PCDH11Y: variants seen among roughly 807,000 people sequenced by gnomAD.
PCDH11Y encodes protocadherin 11 Y-linked, also known as protocadherin-11 Y-linked.
For synonymous variants in PCDH11Y, 9 were observed against 83.6 expected, an observed-to-expected ratio of 0.11 and a Z score of 4.87; for missense variants, 12 against 224.8, an observed-to-expected ratio of 0.05 and a Z score of 6.05.
chrY:5,712,679 G>A (rs1157848008), intron 4 of PCDH11Y, among the ~76,000 whole-genome samples: 594 of 33,412 alleles, frequency 0.018, no homozygotes, highest in Admixed American at 0.08. Flanking sequence ...CAAATTTGAA[G>A]CAAGTTGCAA....
intron 2 of PCDH11Y, among the ~76,000 whole-genome samples, chrY:5,457,761 T>A: frequency 8.9e-5 from 3 of 33,586 alleles, no homozygotes; most frequent in Non-Finnish European, 2.2e-4. Context: ...TTTACCAAAC[T>A]AGTTTTGAAT....
intron 1 of PCDH11Y, among the ~76,000 whole-genome samples, chrY:5,059,922 C>T: frequency 6.1e-5 from 2 of 32,855 alleles, no homozygotes; most frequent in Non-Finnish European, 1.5e-4. Flanking sequence ...ATGACATGGG[C>T]GACTTTAACT....
intron 2 of PCDH11Y, among the ~76,000 whole-genome samples, chrY:5,151,472 A>G: frequency 3.0e-5 from 1 of 33,346 alleles, no homozygotes; most frequent in Admixed American, 2.8e-4. Flanking sequence ...GTTTAAAGGT[A>G]GATTTAGTCT....
At chrY:5,441,207 C>T (rs2124681783) in intron 2 of PCDH11Y, among the ~76,000 whole-genome samples, 1 of 32,440 alleles carries the variant, frequency 3.1e-5, no homozygotes, top group Admixed American at 2.8e-4. Context: ...CTCACTATAG[C>T]GTAAAAATAA....
intron 2 of PCDH11Y, among the ~76,000 whole-genome samples, chrY:5,494,538 G>GACAC (rs750654504): frequency 1.8e-4 from 5 of 27,781 alleles, no homozygotes; most frequent in South Asian, 1.6e-3. Context: ...CACACACACA[G>GACAC]ACACACACAC....
At chrY:5,600,342 T>C (rs2124699451) in intron 4 of PCDH11Y, among the ~76,000 whole-genome samples, 10 of 29,451 alleles carry the variant, frequency 3.4e-4, no homozygotes, top group African/African-American at 1.3e-3. Context: ...GGTTTCACCA[T>C]GTTGGCCAGG....
At chrY:5,378,170 T>A in intron 2 of PCDH11Y, among the ~76,000 whole-genome samples, 2 of 31,980 alleles carry the variant, frequency 6.3e-5, no homozygotes, top group Non-Finnish European at 1.5e-4. Context: ...GATGCATCTG[T>A]ATAGTTCCTT....
chrY:5,248,683 C>G, intron 2 of PCDH11Y, among the ~76,000 whole-genome samples: 1 of 31,633 alleles, frequency 3.2e-5, no homozygotes, highest in Non-Finnish European at 7.6e-5. Context: ...AGGATGCCCT[C>G]TCTCACCACT....
At chrY:5,236,304 C>T in intron 2 of PCDH11Y, among the ~76,000 whole-genome samples, 1 of 32,229 alleles carries the variant, frequency 3.1e-5, no homozygotes, top group South Asian at 7.0e-4. Context: ...ATAAAAACAG[C>T]AAGAACATTG....
chrY:5,168,542 CATATAT>C (rs61386097), intron 2 of PCDH11Y, among the ~76,000 whole-genome samples: 2 of 1,471 alleles, frequency 1.4e-3, no homozygotes, highest in South Asian at 0.029. Flanking sequence ...TCGTAGACAT[CATATAT>C]ATATATATAT....
intron 3 of PCDH11Y, among the ~76,000 whole-genome samples, chrY:5,538,393 GTGGCAGA>G (rs2053402445): frequency 3.0e-5 from 1 of 33,325 alleles, no homozygotes; most frequent in Non-Finnish European, 7.4e-5. Context: ...AGCAGTAGAT[GTGGCAGA>G]TATTTGTCAG....
intron 4 of PCDH11Y, among the ~76,000 whole-genome samples, chrY:5,718,754 C>T: frequency 3.1e-5 from 1 of 32,621 alleles, no homozygotes; most frequent in Admixed American, 2.8e-4. Context: ...ATTAAGATAC[C>T]CGAAAATGTG....
intron 2 of PCDH11Y, among the ~76,000 whole-genome samples, chrY:5,462,905 G>C (rs2053305114): frequency 1.4e-3 from 48 of 33,205 alleles, no homozygotes; most frequent in African/African-American, 5.6e-3. Flanking sequence ...CAAAGTGCTA[G>C]GATTTACAGG....
At chrY:5,326,794 G>A in intron 2 of PCDH11Y, among the ~76,000 whole-genome samples, 1 of 32,822 alleles carries the variant, frequency 3.0e-5, no homozygotes, top group African/African-American at 1.2e-4. Context: ...GATTTTGGAA[G>A]TTATGAGAAA....
At chrY:5,064,666 TTGTGTGTG>T (rs370211583) in intron 1 of PCDH11Y, among the ~76,000 whole-genome samples, 2 of 18,888 alleles carry the variant, frequency 1.1e-4, no homozygotes, top group South Asian at 1.4e-3. Flanking sequence ...ACATACATAC[TTGTGTGTG>T]TGTGTGTGTG....
At chrY:5,167,517 TTGTG>T (rs56931360) in intron 2 of PCDH11Y, among the ~76,000 whole-genome samples, 1,425 of 13,061 alleles carry the variant, frequency 0.11, no homozygotes, top group African/African-American at 0.43. Context: ...ATCTCTTGGA[TTGTG>T]TGTGTGTGTG....
chrY:5,617,244 C>A, intron 4 of PCDH11Y, among the ~76,000 whole-genome samples: 4 of 33,132 alleles, frequency 1.2e-4, no homozygotes, highest in Non-Finnish European at 3.0e-4. Context: ...TAACTTTTTG[C>A]AATTATTTAT....
At chrY:5,314,144 T>G in intron 2 of PCDH11Y, among the ~76,000 whole-genome samples, 1 of 33,648 alleles carries the variant, frequency 3.0e-5, no homozygotes, top group African/African-American at 1.2e-4. Context: ...AAGTAAATTA[T>G]TTTTTCCTTT....
intron 2 of PCDH11Y, among the ~76,000 whole-genome samples, chrY:5,321,798 T>C: frequency 9.8e-5 from 3 of 30,727 alleles, no homozygotes; most frequent in African/African-American, 2.6e-4. Context: ...CCGAGACCCA[T>C]CTCTACAAAA....
Sources: allele counts gnomAD v4.1 joint callset (sites outside exome capture counted in the v4.1 genomes callset), GRCh38; gene constraint gnomAD v4.1.1; transcripts MANE v1.5; gene names NCBI Gene and HGNC (gene_info 2026-07-23, HGNC 2026-07-21).